Variants in ATRN observed in about 807,000 individuals in gnomAD.
The protein encoded by ATRN is attractin, also known as attractin-2.
A neutral mutation model predicts 178.7 loss-of-function variants in ATRN; 54 were observed. The ratio of observed to expected loss-of-function variants is 0.30; its 90% CI spans 0.24 to 0.38. The LOEUF is 0.38. Ranked by LOEUF, ATRN falls within the 10% of genes least tolerant of loss-of-function variation. ATRN has a pLI of 1.00. For missense variants in ATRN, 1,443 were observed against 1,815.1 expected (o/e 0.79, Z 3.73); for synonymous variants, 636 against 663.0 (o/e 0.96, Z 0.63).
In ATRN at chr20:3,511,168, C is replaced by G. The variant is rs239134; in HGVS notation, c.411-24085C>G. Among the ~76,000 whole-genome samples, 1,207 of 152,224 alleles carry G rather than the reference C, an allele frequency of 7.9e-3. 20 individuals are homozygous for G. The highest frequency in any genetic ancestry group is 0.027 in the African/African-American group (1,140 of 41,536). ...TACATTAAAAAAGAAAGGTGAATAT[C>G]TAAGTTTTCAACTCCAAGTAGAAAA... On this transcript the variant is annotated intron_variant, in intron 1 of 28. Transcript: ENST00000262919.
chr20:3,485,862 C>T (rs748184025), intron 1 of ATRN, among the ~76,000 whole-genome samples: 4 of 151,868 alleles, frequency 2.6e-5, no homozygotes, highest in Non-Finnish European at 5.9e-5. Flanking sequence ...CCTCATAATC[C>T]TCCTGCCTCA....
chr20:3,638,860 C>G lies in ATRN; in HGVS notation c.3975C>G (p.Ser1325Arg), dbSNP rs1424521071. Residue 1325 changes from serine (S) to arginine (R), a missense_variant, in exon 27 of 29, where the codon AGC becomes AGG. Ser to Arg is a moderately radical substitution (Grantham distance 110). Transcript: ENST00000262919. The surrounding 1 kb of genome is among the most constrained non-coding windows in gnomAD (Gnocchi z 4.5). Reference sequence around the variant, plus strand: ...TTCGAGAGATGCAACAGATGGCCAGCCGTCCCTTTGCCTCTGTAAATGTCG... The same window carrying G: ...TTCGAGAGATGCAACAGATGGCCAGGCGTCCCTTTGCCTCTGTAAATGTCG... ...QLLREMQQMA[S>R]RPFASVNVAL... is the part of the protein sequence containing the mutation. 6.2e-7 allele frequency: 1 copy of G among 1,614,178 alleles called. No individual in the cohort carries two copies. The highest frequency in any genetic ancestry group is 8.5e-7 in the Non-Finnish European group (1 of 1,180,022).
Position 3,483,071 on chromosome 20 carries a change from A to G in ATRN, c.410+11554A>G, listed in dbSNP as rs139866179. ...TACCCTTTCCCCAGAGGTAACTAGT[A>G]TGGTGAAGTTGATGTTTATTATTTC... On this transcript the variant is annotated intron_variant, in intron 1 of 28. Coordinates refer to ENST00000262919, the MANE Select transcript of ATRN (RefSeq NM_139321.3). 4.3e-3 allele frequency among the ~76,000 whole-genome samples: 649 copies of G among 152,310 alleles called. 3 individuals carry two copies. Among genetic ancestry groups the G allele is most frequent in the African/African-American group, 0.015 (606 of 41,556 alleles).
chr20:3,546,005 A>C, intron 4 of ATRN, 115 bp downstream of exon 4: 2 of 1,163,364 alleles, frequency 1.7e-6, no homozygotes, highest in Non-Finnish European at 1.2e-6. Flanking sequence ...GGCAGTTTAC[A>C]TGGATTTTCT....
intron 1 of ATRN, among the ~76,000 whole-genome samples, chr20:3,476,290 A>C (rs990389063): frequency 1.3e-5 from 2 of 152,234 alleles, no homozygotes; most frequent in Non-Finnish European, 2.9e-5. Flanking sequence ...AAGGTCACAG[A>C]AGTTGTGCAA....
intron 24 of ATRN, among the ~76,000 whole-genome samples, chr20:3,616,982 T>C (rs2086853400): frequency 6.6e-6 from 1 of 152,196 alleles, no homozygotes; most frequent in Non-Finnish European, 1.5e-5. Context: ...CAGTGTCATG[T>C]GCTAATCAGT....
chr20:3,584,477 T>A (rs1340826129), intron 17 of ATRN, among the ~76,000 whole-genome samples, 170 bp from the exon 18 acceptor site: 1 of 152,206 alleles, frequency 6.6e-6, no homozygotes, highest in Non-Finnish European at 1.5e-5. Context: ...TCATCTCTGT[T>A]ATGTATTGGG....
At chr20:3,588,342 T>C (rs2086387618) in intron 18 of ATRN, among the ~76,000 whole-genome samples, 1 of 152,222 alleles carries the variant, frequency 6.6e-6, no homozygotes, top group East Asian at 1.9e-4. Context: ...TGCCCTTTAT[T>C]GGGTTGAGAA....
In ATRN at chr20:3,547,545, A is replaced by G; in HGVS notation, c.943+56A>G. 1.5e-6 allele frequency: 2 copies of G among 1,352,470 alleles called. 1 individual carries two copies. Among genetic ancestry groups the G allele is most frequent in the South Asian group, 2.6e-5 (2 of 77,796 alleles). 83.8% of individuals were successfully genotyped at this position (1,352,470 alleles called of 1,614,324 possible). A position where few individuals can be genotyped will look rare whatever the true frequency, so the allele number is the denominator to read the frequency against. ...TCCATTTATAGAACATTCCCACTAA[A>G]TAAATTATAGATTGACTTTATTCTT... On this transcript the variant is annotated intron_variant, in intron 5 of 28. Transcript: ENST00000262919.
chr20:3,564,937 C>T (rs235570), intron 10 of ATRN, among the ~76,000 whole-genome samples: 114,242 of 151,986 alleles, frequency 0.75, 43,378 homozygotes, highest in East Asian at 1. Context: ...TGGTGGCAGG[C>T]GCCTATAGGC....
chr20:3,537,524 T>TA (rs34927731), intron 2 of ATRN, among the ~76,000 whole-genome samples: 1 of 151,652 alleles, frequency 6.6e-6, no homozygotes, highest in African/African-American at 2.4e-5. Context: ...TTTATTTTTT[T>TA]ATTATACTTC....
At chr20:3,641,928 T>C (rs965147865) in intron 27 of ATRN, among the ~76,000 whole-genome samples, 1 of 152,198 alleles carries the variant, frequency 6.6e-6, no homozygotes, top group South Asian at 2.1e-4. Flanking sequence ...TAATCATATA[T>C]AGAAATCTAA....
chr20:3,582,470 T>C, intron 16 of ATRN, 116 bp downstream of exon 16: 2 of 937,870 alleles, frequency 2.1e-6, no homozygotes, highest in South Asian at 3.1e-5. Flanking sequence ...AAGTATTGAT[T>C]TCAAGCATGC....
chr20:3,569,744 T>G (rs899592878), intron 11 of ATRN, among the ~76,000 whole-genome samples: 1 of 152,200 alleles, frequency 6.6e-6, no homozygotes, highest in Non-Finnish European at 1.5e-5. Flanking sequence ...AAGACTTAAT[T>G]TTTAAAACAC....
Position 3,594,515 on chromosome 20 carries a change from C to G in ATRN, c.3359C>G (p.Thr1120Ser), listed in dbSNP as rs772028291. The change falls in exon 20 of 29, where the codon ACC (threonine) becomes AGC (serine). Residue 1120 changes from threonine (T) to serine (S), a missense_variant. By Grantham distance (58) the Thr-to-Ser change is moderately conservative. This residue lies in a region of ATRN where 289 missense variants were observed against 440.8 expected (regional missense o/e 0.66). Coordinates refer to ENST00000262919, the MANE Select transcript of ATRN (RefSeq NM_139321.3). ...KCNGHASLCN[T>S]NTGKCFCTTK... ...AATGGGCACGCGTCTCTGTGCAACA[C>G]CAACACGGGCAAGTGCTTCTGCACC... 2 of 1,612,652 alleles carry G rather than the reference C, an allele frequency of 1.2e-6. No homozygotes were observed. The highest frequency in any genetic ancestry group is 4.5e-5 in the East Asian group (2 of 44,852).
intron 15 of ATRN, 136 bp downstream of exon 15, chr20:3,578,908 T>C: frequency 2.7e-6 from 2 of 729,394 alleles, no homozygotes; most frequent in Non-Finnish European, 4.3e-6. Context: ...GAACGCAGCC[T>C]GAGGGACTGT....
At chr20:3,479,292 G>T (rs559165598) in intron 1 of ATRN, among the ~76,000 whole-genome samples, 27 of 152,304 alleles carry the variant, frequency 1.8e-4, no homozygotes, top group African/African-American at 5.3e-4. Flanking sequence ...GGATATGAAG[G>T]TGTGTAAGAA....
At chr20:3,478,600 G>A (rs1368454271) in intron 1 of ATRN, among the ~76,000 whole-genome samples, 2 of 152,028 alleles carry the variant, frequency 1.3e-5, no homozygotes, top group African/African-American at 2.4e-5. Flanking sequence ...TGGGTTGATG[G>A]GTGCAGTAAA....
Position 3,563,204 on chromosome 20 carries a change from A to T in ATRN, c.1632-5A>T. 6.2e-7 allele frequency: 1 copy of T among 1,605,492 alleles called. No homozygotes were observed. The highest frequency in any genetic ancestry group is 8.5e-7 in the Non-Finnish European group (1 of 1,174,780). On this transcript the variant is annotated splice_polypyrimidine_tract_variant and splice_region_variant and intron_variant, in intron 9 of 28. Coordinates refer to ENST00000262919, the MANE Select transcript of ATRN (RefSeq NM_139321.3). Reference sequence around the variant, plus strand: ...GTATTTATTATTTCTAAATAAACTCAAAAGGACCATTCTTAAGGACAGCCG... The same window carrying T: ...GTATTTATTATTTCTAAATAAACTCTAAAGGACCATTCTTAAGGACAGCCG...
Sources: allele counts gnomAD v4.1 joint callset (sites outside exome capture counted in the v4.1 genomes callset), GRCh38; gene constraint gnomAD v4.1.1; regional missense constraint gnomAD v4.1.1; non-coding constraint Gnocchi (gnomAD v3.1); transcripts MANE v1.5; gene names NCBI Gene and HGNC (gene_info 2026-07-23, HGNC 2026-07-21).